Variants in DLGAP2 observed in about 807,000 individuals in gnomAD.
DLGAP2 encodes the protein disks large-associated protein 2.
DLGAP2 carries 26 observed loss-of-function variants against 100.3 expected under a neutral mutation model. The observed-to-expected ratio is 0.26, with a 90% CI of 0.19 to 0.36. The LOEUF (loss-of-function observed/expected upper bound fraction) is 0.36, where lower values mean the gene tolerates loss of function less well. DLGAP2 is among the 10% of genes least tolerant of loss of function. The pLI is 1.00. For synonymous variants in DLGAP2, 886 were observed against 630.1 expected (o/e 1.41, Z -6.08); for missense variants, 1,858 against 1,453.2 (o/e 1.28, Z -4.53).
chr8:874,554 G>T (rs1180147209), intron 1 of DLGAP2, among the ~76,000 whole-genome samples: 1 of 152,132 alleles, frequency 6.6e-6, no homozygotes, highest in Non-Finnish European at 1.5e-5. Flanking sequence ...ATTCCATTGT[G>T]ATTAGAGAAA....
At chr8:1,134,454 G>A (rs1008009609) in intron 2 of DLGAP2, among the ~76,000 whole-genome samples, 3 of 152,150 alleles carry the variant, frequency 2.0e-5, no homozygotes, top group Admixed American at 2.0e-4. Context: ...CACCAACAGT[G>A]TATAAGCAAT....
At chr8:1,665,217 CAG>C in intron 8 of DLGAP2, among the ~76,000 whole-genome samples, 1 of 152,102 alleles carries the variant, frequency 6.6e-6, no homozygotes, top group African/African-American at 2.4e-5. Flanking sequence ...TGAAATTTTT[CAG>C]ACTCTTTAAA....
chr8:1,051,942 A>C (rs1802726246), intron 2 of DLGAP2, among the ~76,000 whole-genome samples: 1 of 152,094 alleles, frequency 6.6e-6, no homozygotes, highest in Admixed American at 6.6e-5. Context: ...ACCATCTATA[A>C]GCCTATTAAT....
intron 1 of DLGAP2, among the ~76,000 whole-genome samples, chr8:830,392 C>G (rs78880037): frequency 9.9e-5 from 15 of 152,226 alleles, no homozygotes; most frequent in East Asian, 9.6e-4. Context: ...AATATTAGAT[C>G]TTATTCATTC....
At chr8:1,646,902 T>C (rs1798052684) in intron 8 of DLGAP2, among the ~76,000 whole-genome samples, 1 of 152,168 alleles carries the variant, frequency 6.6e-6, no homozygotes, top group Non-Finnish European at 1.5e-5. Context: ...CTAATCAGCG[T>C]CTGTCACCAC....
At position 887,412 on chromosome 8, in the gene DLGAP2, A is replaced by G. The variant is rs182829890; in HGVS notation, c.19-20500A>G. The stretch of plus-strand genomic sequence containing the variant: ...TGTTATGTATGAATTTGATCCTGTC[A>G]TCATGATACTATTTGGTTATTTTCC... On this transcript the variant is annotated intron_variant, in intron 1 of 14. Coordinates refer to ENST00000637795, the MANE Select transcript of DLGAP2 (RefSeq NM_001346810.2). Among the ~76,000 whole-genome samples the G allele has an allele frequency of 2.0e-5, 3 of 152,346 alleles. No homozygotes were observed. The East Asian group carries it at 5.8e-4, about 29-fold the overall frequency.
chr8:1,505,956 A>C (rs975605187), intron 4 of DLGAP2, among the ~76,000 whole-genome samples: 3 of 152,256 alleles, frequency 2.0e-5, no homozygotes, highest in African/African-American at 7.2e-5. Context: ...TGGCAGATTA[A>C]ATTATCAAAG....
chr8:1,219,477 T>A (rs1798275466), intron 2 of DLGAP2, among the ~76,000 whole-genome samples: 1 of 152,198 alleles, frequency 6.6e-6, no homozygotes, highest in African/African-American at 2.4e-5. Context: ...TGCCTGACCG[T>A]GGTGGATTAG....
chr8:1,170,850 A>AT (rs1161591022), intron 2 of DLGAP2, among the ~76,000 whole-genome samples: 8 of 144,674 alleles, frequency 5.5e-5, no homozygotes, highest in Admixed American at 7.0e-5. Context: ...GGATTCATTA[A>AT]TTTTTTGAAG....
At chr8:1,160,359 C>G (rs1275883128) in intron 2 of DLGAP2, among the ~76,000 whole-genome samples, 1 of 152,188 alleles carries the variant, frequency 6.6e-6, no homozygotes, top group African/African-American at 2.4e-5. Flanking sequence ...CCGCCCCAAA[C>G]TCGGGGCAAG....
intron 3 of DLGAP2, among the ~76,000 whole-genome samples, chr8:1,365,220 C>T (rs1451359658): frequency 1.3e-5 from 2 of 152,160 alleles, no homozygotes; most frequent in Non-Finnish European, 2.9e-5. Context: ...CACACCTGCA[C>T]CTGGGAGACA....
In DLGAP2 at chr8:1,372,271, G is replaced by T. The variant is rs536051392; in HGVS notation, c.106+113388G>T. 4.0e-5 allele frequency among the ~76,000 whole-genome samples: 6 copies of T among 151,378 alleles called. No homozygotes were observed. The East Asian group carries it at 1.2e-3, about 29-fold the overall frequency. On this transcript the variant is annotated intron_variant, in intron 3 of 14. Transcript: ENST00000637795. ...GGACGCTGGTCACCGTGCTGCCAAC[G>T]CTGGGACGCTGGTCACCGTGCTGCC...
chr8:1,238,253 T>C, intron 2 of DLGAP2, among the ~76,000 whole-genome samples: 1 of 55,314 alleles, frequency 1.8e-5, no homozygotes, highest in Non-Finnish European at 3.4e-5. Context: ...CCATGTCTAG[T>C]TCTCTCACAT....
chr8:1,319,531 A>G lies in DLGAP2; in HGVS notation c.106+60648A>G, dbSNP rs986791419. ...CCAACAGAGTGTTCATTATGGGAAT[A>G]CAGCATGAGTTAAAAGTCACAATCA... On this transcript the variant is annotated intron_variant, in intron 3 of 14. Coordinates refer to ENST00000637795, the MANE Select transcript of DLGAP2 (RefSeq NM_001346810.2). Among the ~76,000 whole-genome samples the G allele has an allele frequency of 3.3e-5, 5 of 152,304 alleles. No individual in the cohort carries two copies. The South Asian group carries it at 6.2e-4, about 19-fold the overall frequency.
intron 3 of DLGAP2, among the ~76,000 whole-genome samples, chr8:1,315,989 CT>C (rs1800733272): frequency 9.7e-6 from 1 of 103,360 alleles, no homozygotes; most frequent in East Asian, 2.6e-4. Flanking sequence ...AAAATAGAGG[CT>C]GTGCGAGTGC....
At chr8:1,188,924 G>A (rs533866619) in intron 2 of DLGAP2, among the ~76,000 whole-genome samples, 15 of 152,386 alleles carry the variant, frequency 9.8e-5, no homozygotes, top group African/African-American at 3.4e-4. Flanking sequence ...GTTGCCTTGT[G>A]GTGCGGCTTC....
chr8:936,143 T>G (rs1799065311), intron 2 of DLGAP2, among the ~76,000 whole-genome samples: 1 of 152,026 alleles, frequency 6.6e-6, no homozygotes, highest in South Asian at 2.1e-4. Context: ...TGTCGCTGAG[T>G]CACAGTCGGT....
At chr8:1,280,435 T>C (rs1799792913) in intron 3 of DLGAP2, among the ~76,000 whole-genome samples, 1 of 152,212 alleles carries the variant, frequency 6.6e-6, no homozygotes, top group African/African-American at 2.4e-5. Flanking sequence ...ATTTTCCCTG[T>C]ATCAGAAAAA....
intron 4 of DLGAP2, among the ~76,000 whole-genome samples, chr8:1,509,346 CG>C (rs113201852): frequency 0.11 from 5,744 of 52,906 alleles, 168 homozygotes; most frequent in Middle Eastern, 0.14. Flanking sequence ...AAAAAAAAAC[CG>C]TATAGACTAG....
Sources: allele counts gnomAD v4.1 joint callset (sites outside exome capture counted in the v4.1 genomes callset), GRCh38; gene constraint gnomAD v4.1.1; transcripts MANE v1.5; gene names NCBI Gene and HGNC (gene_info 2026-07-23, HGNC 2026-07-21).